Variants in RBFOX3 observed in about 807,000 individuals in gnomAD.
The protein encoded by RBFOX3 is RNA binding fox-1 homolog 3, also known as RNA binding protein fox-1 homolog 3.
A neutral mutation model predicts 48.7 loss-of-function variants in RBFOX3; 17 were observed. The observed-to-expected ratio is 0.35, with a 90% CI of 0.24 to 0.52. RBFOX3 has a LOEUF of 0.52. RBFOX3 is among the 20% of genes least tolerant of loss of function. The pLI, the probability that RBFOX3 is intolerant of heterozygous loss-of-function variation, is 0.94. For synonymous variants in RBFOX3, 212 were observed against 209.5 expected, an observed-to-expected ratio of 1.01 and a Z score of -0.10; for missense variants, 382 against 497.5, an observed-to-expected ratio of 0.77 and a Z score of 2.21.
In RBFOX3 at chr17:79,225,291, C is replaced by CTTTTTTTTTT. The variant is rs58461275; in HGVS notation, c.-34+10465_-34+10474dup. ...AGCACTGCTGTCCCCTCCCTCCATT[C>CTTTTTTTTTT]TTTTTTTTTTTTTTTTTTAGACAGG... On this transcript the variant is annotated intron_variant, in intron 4 of 14. Transcript: ENST00000693108. 8.6e-5 allele frequency among the ~76,000 whole-genome samples: 11 copies of CTTTTTTTTTT among 128,120 alleles called. 1 individual carries two copies. Among genetic ancestry groups the CTTTTTTTTTT allele is most frequent in the South Asian group, 2.6e-4 (1 of 3,794 alleles). The allele number at this position is 128,120 out of a possible 152,430, so 84.1% of individuals were successfully genotyped here.
intron 2 of RBFOX3, among the ~76,000 whole-genome samples, chr17:79,330,186 T>C (rs1407104564): frequency 6.6e-6 from 1 of 152,236 alleles, no homozygotes; most frequent in Non-Finnish European, 1.5e-5. Context: ...TTAACCCCGC[T>C]GTGGGACACA....
chr17:79,253,531 A>T (rs1055192498), intron 3 of RBFOX3, among the ~76,000 whole-genome samples: 14 of 151,242 alleles, frequency 9.3e-5, no homozygotes, highest in East Asian at 3.9e-4. Flanking sequence ...ATTAAATGAA[A>T]TTTTTTTTTT....
rs532423760 is a variant in RBFOX3, at chr17:79,310,128, C to T, written c.-174-2304G>A. 2.5e-4 allele frequency among the ~76,000 whole-genome samples: 38 copies of T among 152,320 alleles called. No individual in the cohort carries two copies. In the South Asian group the frequency reaches 3.7e-3, roughly 15 times the overall value. On this transcript the variant is annotated intron_variant, in intron 2 of 14. Transcript: ENST00000693108. ...GGATGAATGTGTGAATGCACAGCTA[C>T]CCCGGACGCGGTGTTCCAACTCCTA...
At chr17:79,525,317 T>C (rs1025782480) in intron 1 of RBFOX3, among the ~76,000 whole-genome samples, 18 of 152,128 alleles carry the variant, frequency 1.2e-4, no homozygotes, top group African/African-American at 4.3e-4. Flanking sequence ...TTGACAACCC[T>C]GCCATAAACT....
intron 2 of RBFOX3, among the ~76,000 whole-genome samples, chr17:79,427,699 C>T (rs1289249427): frequency 1.3e-5 from 2 of 152,262 alleles, no homozygotes; most frequent in Admixed American, 1.3e-4. Flanking sequence ...AGATAGGAAG[C>T]ACAATGAGCA....
At chr17:79,153,924 C>T (rs1042538669) in intron 4 of RBFOX3, among the ~76,000 whole-genome samples, 1 of 152,174 alleles carries the variant, frequency 6.6e-6, no homozygotes, top group Non-Finnish European at 1.5e-5. Context: ...AAGTGACAAC[C>T]GCAGACCCTA....
chr17:79,240,057 G>C (rs2062139820), intron 3 of RBFOX3, among the ~76,000 whole-genome samples: 1 of 152,074 alleles, frequency 6.6e-6, no homozygotes, highest in Non-Finnish European at 1.5e-5. Context: ...AGTTCCTTGT[G>C]GGCTTTTCCC....
In RBFOX3 at chr17:79,378,953, G is replaced by A. The variant is rs1440091464; in HGVS notation, c.-174-71129C>T. 1.5e-4 allele frequency among the ~76,000 whole-genome samples: 23 copies of A among 152,304 alleles called. No individual in the cohort carries two copies. The East Asian group carries it at 3.9e-3, about 26-fold the overall frequency. On this transcript the variant is annotated intron_variant, in intron 2 of 14. Coordinates refer to ENST00000693108, the MANE Select transcript of RBFOX3 (RefSeq NM_001350451.2). ...CCCCAGGGCCCAGAGGCCCCGTCCA[G>A]GCTGCACAAGCTTCGGAAAGCGGGT... is the stretch of plus-strand genomic sequence containing the variant.
chr17:79,192,826 C>A (rs888589182), intron 4 of RBFOX3, among the ~76,000 whole-genome samples: 1 of 152,172 alleles, frequency 6.6e-6, no homozygotes, highest in East Asian at 1.9e-4. Context: ...CCACCTTTTA[C>A]CAAAACATCC....
chr17:79,245,321 C>T (rs75493400), intron 3 of RBFOX3, among the ~76,000 whole-genome samples: 1,566 of 152,210 alleles, frequency 0.01, 17 homozygotes, highest in African/African-American at 0.035. Flanking sequence ...CCACATGCCA[C>T]GGTGGCCTCA....
At chr17:79,172,965 T>C (rs926544935) in intron 4 of RBFOX3, among the ~76,000 whole-genome samples, 13 of 152,196 alleles carry the variant, frequency 8.5e-5, no homozygotes, top group African/African-American at 2.7e-4. Context: ...TTCCAGCACT[T>C]TGGGAGGCCG....
At chr17:79,153,612 A>G (rs1270476203) in intron 4 of RBFOX3, among the ~76,000 whole-genome samples, 1 of 152,200 alleles carries the variant, frequency 6.6e-6, no homozygotes, top group Non-Finnish European at 1.5e-5. Context: ...CCAAGCTCCC[A>G]GATTTCCCAT....
intron 14 of RBFOX3, chr17:79,092,106 G>C (rs374515743): frequency 2.0e-6 from 2 of 985,388 alleles, no homozygotes; most frequent in African/African-American, 3.5e-5. Flanking sequence ...CCCTGCGTCA[G>C]GGTGCTGGAC....
At chr17:79,560,362 C>T (rs1444538327) in intron 1 of RBFOX3, among the ~76,000 whole-genome samples, 1 of 152,164 alleles carries the variant, frequency 6.6e-6, no homozygotes, top group African/African-American at 2.4e-5. Flanking sequence ...ATGCTTCATT[C>T]GCCATCCCAC....
intron 3 of RBFOX3, among the ~76,000 whole-genome samples, chr17:79,259,833 C>T (rs1021635359): frequency 1.1e-4 from 16 of 152,268 alleles, no homozygotes; most frequent in Middle Eastern, 3.4e-3. Context: ...TACTGGGCAG[C>T]ATTTTCCCTC....
rs75546185 is a variant in RBFOX3 at position 79,111,983 on chromosome 17, C to T, written c.222+3511G>A. On this transcript the variant is annotated intron_variant, in intron 5 of 14. Coordinates refer to ENST00000693108, the MANE Select transcript of RBFOX3 (RefSeq NM_001350451.2). The surrounding 1 kb of genome is among the most constrained non-coding windows in gnomAD (Gnocchi z 4.2). ...ATGTCGTGGTGAGCGGTGAGAGAAA[C>T]GGAGCCTATGTGCAGGTGTGCGTGC... Among the ~76,000 whole-genome samples the T allele has an allele frequency of 9.6e-3, 1,466 of 152,310 alleles. 17 individuals are homozygous for T. Among genetic ancestry groups the T allele is most frequent in the East Asian group, 0.059 (307 of 5,166 alleles).
chr17:79,540,380 C>T (rs576074904), intron 1 of RBFOX3, among the ~76,000 whole-genome samples: 45 of 152,360 alleles, frequency 3.0e-4, no homozygotes, highest in Middle Eastern at 6.8e-3. Flanking sequence ...TGCAGGGAGA[C>T]AAATGAACGG....
intron 4 of RBFOX3, among the ~76,000 whole-genome samples, chr17:79,197,817 G>C (rs2055957839): frequency 6.6e-6 from 1 of 152,114 alleles, no homozygotes; most frequent in Admixed American, 6.5e-5. Flanking sequence ...GTACAGCAGA[G>C]AGGGACGGAG....
chr17:79,091,235 C>T (rs1021579819), intron 14 of RBFOX3, among the ~76,000 whole-genome samples: 1 of 152,182 alleles, frequency 6.6e-6, no homozygotes, highest in African/African-American at 2.4e-5. Flanking sequence ...CCGGGCCCCC[C>T]ACGGCAAGGG....
Sources: allele counts gnomAD v4.1 joint callset (sites outside exome capture counted in the v4.1 genomes callset), GRCh38; gene constraint gnomAD v4.1.1; non-coding constraint Gnocchi (gnomAD v3.1); transcripts MANE v1.5; gene names NCBI Gene and HGNC (gene_info 2026-07-23, HGNC 2026-07-21).